The following NCF2 variants were observed in gnomAD, a reference collection of about 807,000 sequenced individuals.
The protein encoded by NCF2 is neutrophil cytosolic factor 2.
Under a neutral mutation model 70.9 loss-of-function variants are expected in NCF2, and 45 were observed. That is an observed-to-expected ratio of 0.63 (90% CI 0.50 to 0.81). NCF2 has a LOEUF of 0.81. NCF2 is among the 40% of genes least tolerant of loss of function. NCF2 has a pLI of 0.00. For synonymous variants in NCF2, 203 were observed against 233.6 expected, an observed-to-expected ratio of 0.87 and a Z score of 1.19; for missense variants, 522 against 631.6, an observed-to-expected ratio of 0.83 and a Z score of 1.86.
chr1:183,594,660 G>T (rs1191166345), upstream of NCF2, among the ~76,000 whole-genome samples: 1 of 152,080 alleles, frequency 6.6e-6, no homozygotes, highest in African/African-American at 2.4e-5. Context: ...GGGTAACTCA[G>T]TTTCATCTCG....
chr1:183,589,611 AC>A (rs1673545695), intron 1 of NCF2, among the ~76,000 whole-genome samples: 1 of 152,214 alleles, frequency 6.6e-6, no homozygotes, highest in Non-Finnish European at 1.5e-5. Context: ...CTAGTCAATC[AC>A]AGTACAATTT....
intron 10 of NCF2, among the ~76,000 whole-genome samples, chr1:183,565,311 C>A (rs1200767108): frequency 2.6e-5 from 4 of 152,224 alleles, no homozygotes; most frequent in Non-Finnish European, 4.4e-5. Flanking sequence ...AGAGCAATTT[C>A]TTTTCCAGAT....
At chr1:183,594,276 C>A (rs1295445374), upstream of NCF2, among the ~76,000 whole-genome samples, 1 of 152,028 alleles carries the variant, frequency 6.6e-6, no homozygotes, top group Non-Finnish European at 1.5e-5. Flanking sequence ...GGCATGGTGG[C>A]ACATGCCTGT....
chr1:183,571,243 G>A (rs1321951141), intron 5 of NCF2, among the ~76,000 whole-genome samples: 2 of 147,304 alleles, frequency 1.4e-5, no homozygotes, highest in Non-Finnish European at 3.0e-5. Context: ...TCAGCCTCCC[G>A]AGTAGCTGAT....
Position 183,556,205 on chromosome 1 carries a change from C to T in NCF2, c.1494G>A (p.Glu498=). 1 of 1,614,168 alleles carries T rather than the reference C, an allele frequency of 6.2e-7. No homozygotes were observed. Among genetic ancestry groups the T allele is most frequent in the Non-Finnish European group, 8.5e-7 (1 of 1,180,004 alleles). The change falls in exon 15 of 15, where the codon GAG becomes GAA. Residue 498 remains glutamate, a synonymous_variant. Transcript: ENST00000367535. ...GGAAAATGCCCACCTTCCCTTTGCA[C>T]TCCCCTTCCAGCCATTCTTCATTCA... is the stretch of plus-strand genomic sequence containing the variant. ...SKVNEEWLEG[E]CKGKVGIFPK...
chr1:183,589,989 C>T (rs536272781), intron 1 of NCF2, among the ~76,000 whole-genome samples, 167 bp downstream of exon 1: 1 of 152,286 alleles, frequency 6.6e-6, no homozygotes, highest in Admixed American at 6.5e-5. Context: ...AAACTGGCTG[C>T]CTGGGGCCCC....
rs745650507 is a variant in NCF2 at position 183,556,096 on chromosome 1, G to C, written c.*22C>G. The stretch of plus-strand genomic sequence containing the variant: ...AAGTAATAGGGCTTCATTTTCTTCA[G>C]CTTTGTAGTTTGTGAAACATCCTAG... On this transcript the variant is annotated 3_prime_UTR_variant, in exon 15 of 15. Coordinates refer to ENST00000367535, the MANE Select transcript of NCF2 (RefSeq NM_000433.4). 7.6e-6 allele frequency: 12 copies of C among 1,587,062 alleles called. No individual in the cohort carries two copies. The Admixed American group carries it at 8.3e-5, about 11-fold the overall frequency.
intron 7 of NCF2, among the ~76,000 whole-genome samples, chr1:183,568,299 A>G (rs1353531112): frequency 1.3e-5 from 2 of 151,900 alleles, no homozygotes; most frequent in Admixed American, 6.6e-5. Flanking sequence ...AGTAGCTGGT[A>G]TTACAGGCAC....
rs764142541 is a variant in NCF2, at chr1:183,574,545, G to T, written c.443C>A (p.Thr148Lys). 7.4e-6 allele frequency: 12 copies of T among 1,614,204 alleles called. No homozygotes were observed. The highest frequency in any genetic ancestry group is 8.5e-6 in the Non-Finnish European group (10 of 1,180,040). ...ATGTCTGGGCTCAGACTTCATGCTC[G>T]TGGCCAATGCTAACTGTTCTTCAGC... is the stretch of plus-strand genomic sequence containing the variant. The part of the protein sequence containing the change: ...KKAEEQLALA[T>K]SMKSEPRHSK... The change falls in exon 4 of 15, where the codon ACG becomes AAG. Residue 148 changes from threonine (T) to lysine (K), a missense_variant. Thr to Lys is a moderately conservative substitution (Grantham distance 78). Coordinates refer to ENST00000367535, the MANE Select transcript of NCF2 (RefSeq NM_000433.4).
In NCF2 at chr1:183,563,177, GC is replaced by G. The variant is rs1255494167; in HGVS notation, c.1290+17del. 6.2e-7 allele frequency: 1 copy of G among 1,604,788 alleles called. No individual in the cohort carries two copies. The highest frequency in any genetic ancestry group is 8.5e-7 in the Non-Finnish European group (1 of 1,171,598). On this transcript the variant is annotated intron_variant, in intron 13 of 14. Transcript: ENST00000367535. ...GCTCAGTGGAAATGTAACTTTAGAT[GC>G]CCCTCATTGCACTCACCACTGTGTT...
upstream of NCF2, among the ~76,000 whole-genome samples, chr1:183,593,661 C>T (rs955347299): frequency 1.2e-4 from 18 of 152,182 alleles, no homozygotes; most frequent in African/African-American, 3.6e-4. Flanking sequence ...GCTATGTGCA[C>T]GGTTCTCTCT....
chr1:183,576,442 G>T (rs1672803373), intron 3 of NCF2, among the ~76,000 whole-genome samples: 1 of 152,224 alleles, frequency 6.6e-6, no homozygotes, highest in South Asian at 2.1e-4. Flanking sequence ...GGGATTTTAG[G>T]TTGTCACATT....
intron 10 of NCF2, 87 bp downstream of exon 10, chr1:183,565,617 T>A (rs1672265655): frequency 7.4e-7 from 1 of 1,359,080 alleles, no homozygotes; most frequent in African/African-American, 1.4e-5. Context: ...GAAACCAGAA[T>A]TTCCTGGAAG....
At position 183,586,945 on chromosome 1, in the gene NCF2, G is replaced by A. The variant is rs764187192; in HGVS notation, c.207C>T (p.His69=). 1.2e-6 allele frequency: 2 copies of A among 1,614,162 alleles called. No homozygotes were observed. The highest frequency in any genetic ancestry group is 1.1e-5 in the South Asian group (1 of 91,082). ...AFTRSINRDK[H]LAVAYFQRGM... ...CTCGTTGGAAGTAAGCCACTGCCAAGTGCTTGTCTCGGTTAATGCTTCTGG... is the reference window on the plus strand; with the variant it reads ...CTCGTTGGAAGTAAGCCACTGCCAAATGCTTGTCTCGGTTAATGCTTCTGG... Residue 69 remains histidine (H), a synonymous_variant, in exon 2 of 15, where the codon CAC becomes CAT. Transcript: ENST00000367535.
At chr1:183,565,111 C>G (rs1351036878) in intron 10 of NCF2, among the ~76,000 whole-genome samples, 1 of 152,162 alleles carries the variant, frequency 6.6e-6, no homozygotes, top group South Asian at 2.1e-4. Flanking sequence ...GATGATCAGG[C>G]GCGTGTGGCA....
intron 6 of NCF2, 70 bp from the exon 7 acceptor site, chr1:183,569,255 G>T: frequency 7.3e-7 from 1 of 1,361,530 alleles, no homozygotes; most frequent in Non-Finnish European, 1.1e-6. Context: ...ACAACAAACG[G>T]CTAATGGTAA....
At chr1:183,579,843 G>A (rs1672980383) in intron 2 of NCF2, among the ~76,000 whole-genome samples, 2 of 151,566 alleles carry the variant, frequency 1.3e-5, no homozygotes, top group Non-Finnish European at 1.5e-5. Flanking sequence ...TTCAGACAGT[G>A]CCTGGCACAC....
chr1:183,582,260 T>C (rs868285363), intron 2 of NCF2, among the ~76,000 whole-genome samples: 2 of 152,206 alleles, frequency 1.3e-5, no homozygotes, highest in Admixed American at 1.3e-4. Flanking sequence ...TTTGGAAGCA[T>C]CCCCCAGGAG....
chr1:183,582,357 T>C (rs1673156211), intron 2 of NCF2, among the ~76,000 whole-genome samples: 1 of 152,154 alleles, frequency 6.6e-6, no homozygotes, highest in Non-Finnish European at 1.5e-5. Flanking sequence ...GTGACACCCC[T>C]TGGGGCGCCT....
Sources: gnomAD v4.1 joint callset for allele counts (sites outside exome capture counted in the v4.1 genomes callset) on GRCh38, gnomAD v4.1.1 for gene constraint, MANE v1.5 for transcripts, NCBI Gene and HGNC (gene_info 2026-07-23, HGNC 2026-07-21) for gene names.